The following IQCJ variants were observed in gnomAD, a reference collection of about 807,000 sequenced individuals.
The protein encoded by IQCJ is IQ motif containing J.
IQCJ carries 9 observed loss-of-function variants against 11.0 expected under a neutral mutation model. The observed-to-expected ratio is 0.82, with a 90% confidence interval of 0.49 to 1.43. The LOEUF is 1.43. IQCJ is among the 40% of genes most tolerant of loss of function. The pLI is 0.00. For synonymous variants in IQCJ, 55 were observed against 51.3 expected (o/e 1.07, Z -0.31); for missense variants, 146 against 133.2 (o/e 1.10, Z -0.47).
chr3:159,104,525 T>C (rs906600314), intron 1 of IQCJ, among the ~76,000 whole-genome samples: 1 of 152,242 alleles, frequency 6.6e-6, no homozygotes, highest in African/African-American at 2.4e-5. Flanking sequence ...TATTCATGTA[T>C]GTATAGCCAG....
chr3:159,228,450 T>C (rs1245898735), intron 1 of IQCJ, among the ~76,000 whole-genome samples: 4 of 152,224 alleles, frequency 2.6e-5, no homozygotes, highest in African/African-American at 9.6e-5. Context: ...ATTTCACATA[T>C]GAGCAGAATA....
intron 1 of IQCJ, among the ~76,000 whole-genome samples, chr3:159,137,906 A>G (rs1720388682): frequency 6.6e-6 from 1 of 152,240 alleles, no homozygotes; most frequent in Non-Finnish European, 1.5e-5. Context: ...CCATTCCAAC[A>G]TAACCCTTTA....
At chr3:159,265,219 C>G, downstream of IQCJ, 1 of 1,612,576 alleles carries the variant, frequency 6.2e-7, no homozygotes, top group Non-Finnish European at 8.5e-7. Flanking sequence ...CATCAGTTTG[C>G]CAGGGCCCCT....
At chr3:159,192,077 A>G (rs1723722905) in intron 1 of IQCJ, among the ~76,000 whole-genome samples, 1 of 152,186 alleles carries the variant, frequency 6.6e-6, no homozygotes, top group Non-Finnish European at 1.5e-5. Context: ...AGCAAAATCT[A>G]TGCTCTTAGA....
intron 1 of IQCJ, chr3:159,069,937 TTA>T: frequency 7.8e-6 from 2 of 257,902 alleles, no homozygotes; most frequent in Non-Finnish European, 1.6e-5. Flanking sequence ...GAGAGAAGAG[TTA>T]TATTGCTGCT....
At chr3:159,086,698 C>T (rs6441248) in intron 1 of IQCJ, among the ~76,000 whole-genome samples, 111,105 of 150,872 alleles carry the variant, frequency 0.74, 40,979 homozygotes, top group East Asian at 0.83. Flanking sequence ...GGGAGTTCAC[C>T]CATGATTTGG....
At chr3:159,075,455 T>C (rs1212003649) in intron 1 of IQCJ, among the ~76,000 whole-genome samples, 1 of 152,132 alleles carries the variant, frequency 6.6e-6, no homozygotes, top group African/African-American at 2.4e-5. Context: ...AACATATTGT[T>C]TGTTTTGTGA....
chr3:159,166,499 G>A (rs1394856083), intron 1 of IQCJ, among the ~76,000 whole-genome samples: 1 of 152,188 alleles, frequency 6.6e-6, no homozygotes, highest in Non-Finnish European at 1.5e-5. Flanking sequence ...CTTCAGAAAA[G>A]TGGATTCTTT....
At chr3:159,181,008 G>GTCTTCTCCTCTTCCCTTCATAGC in intron 1 of IQCJ, among the ~76,000 whole-genome samples, 1 of 152,026 alleles carries the variant, frequency 6.6e-6, no homozygotes, top group Admixed American at 6.5e-5. Context: ...CGTACATGTT[G>GTCTTCTCCTCTTCCCTTCATAGC]TCTTCTCCTC....
chr3:159,260,204 C>A (rs935819333), intron 3 of IQCJ, among the ~76,000 whole-genome samples: 2 of 152,136 alleles, frequency 1.3e-5, no homozygotes, highest in Non-Finnish European at 2.9e-5. Flanking sequence ...GCAAACCTCT[C>A]ATCTCAGTTT....
At chr3:159,187,745 C>T (rs1309852592) in intron 1 of IQCJ, among the ~76,000 whole-genome samples, 1 of 152,204 alleles carries the variant, frequency 6.6e-6, no homozygotes, top group Non-Finnish European at 1.5e-5. Context: ...TCACAGTGTC[C>T]ATCGGTGTCC....
At chr3:159,115,903 C>T (rs1481783667) in intron 1 of IQCJ, among the ~76,000 whole-genome samples, 2 of 152,150 alleles carry the variant, frequency 1.3e-5, no homozygotes, top group African/African-American at 2.4e-5. Context: ...ATGGGTATCA[C>T]ACACTGGGGC....
At chr3:159,080,075 C>A (rs117415201) in intron 1 of IQCJ, among the ~76,000 whole-genome samples, 1 of 152,070 alleles carries the variant, frequency 6.6e-6, no homozygotes, top group African/African-American at 2.4e-5. Flanking sequence ...TGTATTGCTG[C>A]ACCAGAAATA....
intron 1 of IQCJ, among the ~76,000 whole-genome samples, chr3:159,086,591 C>A (rs1178199567): frequency 6.6e-6 from 1 of 151,946 alleles, no homozygotes; most frequent in Non-Finnish European, 1.5e-5. Flanking sequence ...CTTTTATTTC[C>A]TTGAGCAGTG....
chr3:159,214,263 G>A (rs1725101978), intron 1 of IQCJ, among the ~76,000 whole-genome samples: 1 of 152,084 alleles, frequency 6.6e-6, no homozygotes, highest in African/African-American at 2.4e-5. Context: ...GAGTAAAGAA[G>A]TTGAGAATTA....
intron 1 of IQCJ, among the ~76,000 whole-genome samples, chr3:159,189,859 T>G (rs1723583468): frequency 6.6e-6 from 1 of 152,206 alleles, no homozygotes; most frequent in Admixed American, 6.5e-5. Flanking sequence ...AAGTCCTAAC[T>G]GTTCTTTCCC....
chr3:159,171,223 C>A (rs985888067), intron 1 of IQCJ, among the ~76,000 whole-genome samples: 2 of 151,898 alleles, frequency 1.3e-5, no homozygotes, highest in African/African-American at 4.8e-5. Context: ...CTCTCTCTAT[C>A]TAAATCTATA....
intron 1 of IQCJ, among the ~76,000 whole-genome samples, chr3:159,244,539 G>T (rs959045945): frequency 1.3e-5 from 2 of 152,108 alleles, no homozygotes; most frequent in Admixed American, 1.3e-4. Flanking sequence ...TGCTCTTCCT[G>T]CTCTAACAAA....
At chr3:159,180,215 A>G (rs1184349662) in intron 1 of IQCJ, among the ~76,000 whole-genome samples, 5 of 152,172 alleles carry the variant, frequency 3.3e-5, no homozygotes, top group African/African-American at 1.2e-4. Flanking sequence ...AGAACAACAC[A>G]TGCAAATTTT....
Sources: gnomAD v4.1 joint callset for allele counts (sites outside exome capture counted in the v4.1 genomes callset) on GRCh38, gnomAD v4.1.1 for gene constraint, MANE v1.5 for transcripts, NCBI Gene and HGNC (gene_info 2026-07-23, HGNC 2026-07-21) for gene names.